The following TECRL variants were observed in gnomAD, a reference collection of about 807,000 sequenced individuals.
TECRL encodes trans-2,3-enoyl-CoA reductase-like.
In TECRL, 63 loss-of-function variants were observed where a neutral mutation model predicts 52.8. The ratio of observed to expected loss-of-function variants is 1.19; its 90% confidence interval spans 0.97 to 1.47. The LOEUF is 1.47. Ranked by LOEUF, TECRL falls within the 40% of genes most tolerant of loss-of-function variation. The pLI is 0.00. For missense variants in TECRL, 482 were observed against 429.6 expected (o/e 1.12, Z -1.08); for synonymous variants, 164 against 141.9 (o/e 1.16, Z -1.10).
rs563232451 is a variant in TECRL, at chr4:64,327,110, AGAG to A, written c.331+1399_331+1401del. ...AAGACCATGTAGGCAAGTAAGTATG[AGAG>A]GGTCAATCAAATGTAGAAATCTGAA... On this transcript the variant is annotated intron_variant, in intron 3 of 11. Transcript: ENST00000381210. 1.5e-3 allele frequency among the ~76,000 whole-genome samples: 232 copies of A among 152,212 alleles called. 1 individual carries two copies. The highest frequency in any genetic ancestry group is 5.3e-3 in the African/African-American group (221 of 41,546).
At chr4:64,302,830 T>C (rs1724099789) in intron 7 of TECRL, among the ~76,000 whole-genome samples, 1 of 151,460 alleles carries the variant, frequency 6.6e-6, no homozygotes, top group Non-Finnish European at 1.5e-5. Flanking sequence ...TTATTAAGAT[T>C]ATACCTGCTT....
chr4:64,386,686 T>A lies in TECRL; in HGVS notation c.235-11463A>T, dbSNP rs192927179. 9.5e-4 allele frequency among the ~76,000 whole-genome samples: 145 copies of A among 152,296 alleles called. 1 individual carries two copies. The highest frequency in any genetic ancestry group is 3.7e-3 in the Admixed American group (57 of 15,286). Reference sequence around the variant, plus strand: ...TCAAGGTTTATATTTAATTAAGAATTACTATTTCAAGCCAAAATGGAAGCC... The same window carrying A: ...TCAAGGTTTATATTTAATTAAGAATAACTATTTCAAGCCAAAATGGAAGCC... On this transcript the variant is annotated intron_variant, in intron 1 of 11. Transcript: ENST00000381210.
In TECRL at chr4:64,379,378, C is replaced by T. The variant is rs567898244; in HGVS notation, c.235-4155G>A. ...GATATCTAATAACTATACATATTTA[C>T]GGGGTGCATGTGCTATATTGATATG... On this transcript the variant is annotated intron_variant, in intron 1 of 11. Transcript: ENST00000381210. Among the ~76,000 whole-genome samples, 5 of 151,886 alleles carry T rather than the reference C, an allele frequency of 3.3e-5. No homozygotes were observed. The South Asian group carries it at 8.3e-4, about 25-fold the overall frequency.
At chr4:64,341,688 G>A (rs962721865) in intron 2 of TECRL, among the ~76,000 whole-genome samples, 1 of 152,130 alleles carries the variant, frequency 6.6e-6, no homozygotes, top group Non-Finnish European at 1.5e-5. Context: ...GCCTTTCAGG[G>A]AGCCCAGACC....
Position 64,303,730 on chromosome 4 carries a change from A to AT in TECRL, c.730+1435dup, listed in dbSNP as rs1373769036. Among the ~76,000 whole-genome samples, 11 of 151,948 alleles carry AT rather than the reference A, an allele frequency of 7.2e-5. 2 individuals are homozygous for AT. The South Asian group carries it at 2.1e-3, about 29-fold the overall frequency. On this transcript the variant is annotated intron_variant, in intron 7 of 11. Transcript: ENST00000381210. The stretch of plus-strand genomic sequence containing the variant: ...TCTCTATTAAAGGAAAAAGCAGCTT[A>AT]TTCTATCATATACTGTTGTAGAAGT...
rs182744768 is a variant in TECRL at position 64,383,307 on chromosome 4, C to G, written c.235-8084G>C. Among the ~76,000 whole-genome samples the G allele has an allele frequency of 2.6e-4, 40 of 152,174 alleles. 1 individual carries two copies. The highest frequency in any genetic ancestry group is 9.4e-4 in the African/African-American group (39 of 41,552). On this transcript the variant is annotated intron_variant, in intron 1 of 11. Transcript: ENST00000381210. The stretch of plus-strand genomic sequence containing the variant: ...AGCTCCTGTATCTGGATGTCTATAT[C>G]TTGCAAGATGGGAAATTTCAGCTAT...
chr4:64,341,754 G>A (rs1719588603), intron 2 of TECRL, among the ~76,000 whole-genome samples: 2 of 152,156 alleles, frequency 1.3e-5, no homozygotes, highest in African/African-American at 4.8e-5. Context: ...GTGGTTGCTG[G>A]CATTTCTAAG....
intron 2 of TECRL, among the ~76,000 whole-genome samples, chr4:64,349,714 C>T (rs998047630): frequency 1.4e-4 from 21 of 152,074 alleles, no homozygotes; most frequent in African/African-American, 5.1e-4. Context: ...GAATATATCA[C>T]ATTATGTTGT....
intron 1 of TECRL, among the ~76,000 whole-genome samples, chr4:64,407,940 A>G (rs1245536467): frequency 1.3e-5 from 2 of 151,610 alleles, no homozygotes; most frequent in Non-Finnish European, 3.0e-5. Flanking sequence ...ATTTTGTATG[A>G]TATATACTCA....
intron 9 of TECRL, among the ~76,000 whole-genome samples, chr4:64,282,755 C>T (rs1023366856): frequency 3.3e-5 from 5 of 152,018 alleles, no homozygotes; most frequent in African/African-American, 9.6e-5. Context: ...AATGGATATG[C>T]CTTATGACAC....
At chr4:64,386,773 C>T (rs1723202613) in intron 1 of TECRL, among the ~76,000 whole-genome samples, 1 of 152,042 alleles carries the variant, frequency 6.6e-6, no homozygotes, top group African/African-American at 2.4e-5. Flanking sequence ...TTATAATAGG[C>T]TTCATTTTAG....
At chr4:64,321,079 C>A (rs1717867656) in intron 4 of TECRL, among the ~76,000 whole-genome samples, 1 of 152,024 alleles carries the variant, frequency 6.6e-6, no homozygotes, top group Non-Finnish European at 1.5e-5. Flanking sequence ...AGCTTCTTTT[C>A]TCACCTTTGT....
intron 1 of TECRL, among the ~76,000 whole-genome samples, chr4:64,406,147 G>C (rs1331118371): frequency 6.8e-6 from 1 of 146,566 alleles, no homozygotes; most frequent in Non-Finnish European, 1.5e-5. Context: ...TTATTTGTTA[G>C]GCGCGCGCGC....
chr4:64,337,921 G>T (rs1560510164), intron 2 of TECRL, among the ~76,000 whole-genome samples: 1 of 152,060 alleles, frequency 6.6e-6, no homozygotes, highest in African/African-American at 2.4e-5. Context: ...CACAGAATTG[G>T]AAAAAACTAC....
At chr4:64,346,894 A>G (rs1363351443) in intron 2 of TECRL, among the ~76,000 whole-genome samples, 1 of 152,182 alleles carries the variant, frequency 6.6e-6, no homozygotes, top group Non-Finnish European at 1.5e-5. Flanking sequence ...CCCTGTCCTT[A>G]CTTCTGAAAA....
chr4:64,394,021 T>A (rs2109755750), intron 1 of TECRL, among the ~76,000 whole-genome samples: 1 of 152,264 alleles, frequency 6.6e-6, no homozygotes, highest in East Asian at 1.9e-4. Context: ...TAATGTAATT[T>A]AGTTTTTCCT....
intron 1 of TECRL, among the ~76,000 whole-genome samples, chr4:64,390,782 C>A (rs1470710474): frequency 6.6e-6 from 1 of 151,676 alleles, no homozygotes; most frequent in Admixed American, 6.6e-5. Context: ...AAATTGATTT[C>A]AAAAATTTAG....
In TECRL at chr4:64,322,748, C is replaced by A; in HGVS notation, c.376G>T (p.Ala126Ser). The A allele has an allele frequency of 5.6e-6, 9 of 1,612,242 alleles. No individual in the cohort carries two copies. The highest frequency in any genetic ancestry group is 7.6e-6 in the Non-Finnish European group (9 of 1,179,068). ...KDYITIQSIAASSIVTLYATD... is the reference protein window; with the variant it reads ...KDYITIQSIASSSIVTLYATD... The stretch of plus-strand genomic sequence containing the variant: ...GCATACAGTGTGACAATGGAGGAAG[C>A]TGCAATACTTTGAATGGTAATGTAG... The change falls in exon 4 of 12, where the codon GCT becomes TCT. Residue 126 changes from alanine to serine, a missense_variant. Ala to Ser is a moderately conservative substitution (Grantham distance 99). Coordinates refer to ENST00000381210, the MANE Select transcript of TECRL (RefSeq NM_001010874.5).
In TECRL at chr4:64,376,952, T is replaced by C. The variant is rs747974979; in HGVS notation, c.235-1729A>G. 2.0e-5 allele frequency among the ~76,000 whole-genome samples: 3 copies of C among 151,962 alleles called. No homozygotes were observed. In the South Asian group the frequency reaches 6.2e-4, roughly 31 times the overall value. On this transcript the variant is annotated intron_variant, in intron 1 of 11. Transcript: ENST00000381210. ...TGAGTGCAAACACGTAAAACCAGAG[T>C]AAGATCAAAGTTTCTTAATCTGATA...
Sources: allele counts gnomAD v4.1 joint callset (sites outside exome capture counted in the v4.1 genomes callset), GRCh38; gene constraint gnomAD v4.1.1; transcripts MANE v1.5; gene names NCBI Gene and HGNC (gene_info 2026-07-23, HGNC 2026-07-21).